The following CEP63 variants were observed in gnomAD, a reference collection of about 807,000 sequenced individuals.
CEP63 encodes centrosomal protein of 63 kDa.
Under a neutral mutation model 89.1 loss-of-function variants are expected in CEP63, and 84 were observed. The ratio of observed to expected loss-of-function variants is 0.94; its 90% confidence interval spans 0.79 to 1.13. The LOEUF (loss-of-function observed/expected upper bound fraction) is 1.13, where lower values mean the gene tolerates loss of function less well. CEP63 is among the 50% of genes most tolerant of loss of function. The probability of loss-of-function intolerance (pLI) is 0.00; values close to 1 mark genes in which losing one functional copy is unlikely to be tolerated. For synonymous variants in CEP63, 267 were observed against 272.5 expected, an observed-to-expected ratio of 0.98 and a Z score of 0.20; for missense variants, 838 against 813.3, an observed-to-expected ratio of 1.03 and a Z score of -0.37.
At chr3:134,505,039 T>C (rs927142962) in intron 2 of CEP63, among the ~76,000 whole-genome samples, 3 of 152,218 alleles carry the variant, frequency 2.0e-5, no homozygotes, top group African/African-American at 7.2e-5. Flanking sequence ...ATTTTTATTA[T>C]CTGTGTTTTC....
chr3:134,497,188 G>A (rs1395124842), intron 2 of CEP63, among the ~76,000 whole-genome samples: 2 of 152,138 alleles, frequency 1.3e-5, no homozygotes, highest in African/African-American at 4.8e-5. Context: ...TGAATGAATA[G>A]TTTGCAAATA....
At chr3:134,627,773 C>T in the CEP63 span, 1 of 1,613,908 alleles carries the variant, frequency 6.2e-7, no homozygotes, top group East Asian at 2.2e-5. Flanking sequence ...ATCTTTCCCT[C>T]CAGGTTGCCG....
intron 3 of CEP63, among the ~76,000 whole-genome samples, chr3:134,523,276 T>G (rs1015948194): frequency 2.0e-5 from 3 of 152,146 alleles, no homozygotes; most frequent in Admixed American, 2.0e-4. Flanking sequence ...AACTTTTAAG[T>G]TCTTTATAGA....
chr3:134,722,198 G>T, the CEP63 span, among the ~76,000 whole-genome samples: 1 of 151,910 alleles, frequency 6.6e-6, no homozygotes, highest in African/African-American at 2.4e-5. Flanking sequence ...AGTCAGTCTT[G>T]GAGATGTGCA....
chr3:134,741,467 A>G, the CEP63 span, among the ~76,000 whole-genome samples: 1 of 152,034 alleles, frequency 6.6e-6, no homozygotes, highest in Non-Finnish European at 1.5e-5. Context: ...ACCTGTGCAC[A>G]GCTCCCTGCT....
the CEP63 span, among the ~76,000 whole-genome samples, chr3:134,728,085 A>G: frequency 3.3e-5 from 5 of 152,236 alleles, no homozygotes; most frequent in East Asian, 9.6e-4. Flanking sequence ...AAAGAAAAAA[A>G]CTGTGTCTAA....
chr3:134,594,823 T>C, the CEP63 span, among the ~76,000 whole-genome samples: 2 of 152,248 alleles, frequency 1.3e-5, no homozygotes, highest in Non-Finnish European at 2.9e-5. Context: ...AGGCACTGTT[T>C]AATCATGGAG....
Position 134,491,948 on chromosome 3 carries a change from A to C in CEP63, c.-25-3348A>C, listed in dbSNP as rs192566715. ...AATTTGGTCTTGGGCATATACTATG[A>C]TATTTTTCCTGATCTGTAAAATGAT... On this transcript the variant is annotated intron_variant, in intron 1 of 14. Transcript: ENST00000675561. 3.9e-5 allele frequency among the ~76,000 whole-genome samples: 6 copies of C among 152,122 alleles called. No homozygotes were observed. The East Asian group carries it at 7.7e-4, about 20-fold the overall frequency.
At chr3:134,547,621 T>TTTTTTTTTTTTTTTTTTTTTTTTTTG (rs1437681065) in intron 9 of CEP63, 149 bp downstream of exon 9, 1 of 500,310 alleles carries the variant, frequency 2.0e-6, no homozygotes, top group South Asian at 2.2e-5. Flanking sequence ...TTTCTTTTTT[T>TTTTTTTTTTTTTTTTTTTTTTTTTTG]TTTTTTTTGA....
the CEP63 span, among the ~76,000 whole-genome samples, chr3:134,740,170 G>A: frequency 6.6e-6 from 1 of 152,112 alleles, no homozygotes; most frequent in Non-Finnish European, 1.5e-5. Context: ...ACAGTCCAGT[G>A]ACCCCTTGCA....
In CEP63 at chr3:134,552,239, T is replaced by G. The variant is rs1438596639; in HGVS notation, c.1467+227T>G. The G allele has an allele frequency of 1.5e-4, 51 of 335,198 alleles. No individual in the cohort carries two copies. In the South Asian group the frequency reaches 1.5e-3, roughly 10 times the overall value. 20.8% of individuals were successfully genotyped at this position (335,198 alleles called of 1,614,324 possible). On this transcript the variant is annotated intron_variant, in intron 12 of 14. Coordinates refer to ENST00000675561, the MANE Select transcript of CEP63 (RefSeq NM_001353108.3). ...TTTTTTTGAGACGGGGTTTCACTCT[T>G]GTTACCCAGGCTGGAGTGCAATGGC...
chr3:134,487,930 A>G (rs966797103), intron 1 of CEP63: 6 of 152,154 alleles, frequency 3.9e-5, no homozygotes, highest in African/African-American at 7.2e-5. Context: ...ATTAGCCCCT[A>G]TTTTTCCTTA....
chr3:134,685,406 C>A, the CEP63 span, among the ~76,000 whole-genome samples: 1 of 152,000 alleles, frequency 6.6e-6, no homozygotes, highest in Non-Finnish European at 1.5e-5. Flanking sequence ...CCCATCTCAC[C>A]CCTTGTATGG....
chr3:134,611,786 A>T, the CEP63 span, among the ~76,000 whole-genome samples: 1 of 152,230 alleles, frequency 6.6e-6, no homozygotes, highest in Non-Finnish European at 1.5e-5. Flanking sequence ...CCAGGGCTGC[A>T]GCCTCAGTTG....
the CEP63 span, among the ~76,000 whole-genome samples, chr3:134,618,985 G>A: frequency 2.0e-5 from 3 of 152,208 alleles, no homozygotes; most frequent in African/African-American, 7.2e-5. Flanking sequence ...TTATGCTGGT[G>A]TTAAAAAGGG....
the CEP63 span, among the ~76,000 whole-genome samples, chr3:134,773,914 T>A: frequency 6.6e-6 from 1 of 152,170 alleles, no homozygotes; most frequent in South Asian, 2.1e-4. Flanking sequence ...GGAGGGTCTG[T>A]CTCTCTCAGT....
intron 11 of CEP63, among the ~76,000 whole-genome samples, chr3:134,573,224 T>C (rs945527311): frequency 1.3e-5 from 2 of 152,220 alleles, no homozygotes; most frequent in Non-Finnish European, 2.9e-5. Context: ...GTAGAAAGTT[T>C]CTTTTGCTGT....
At chr3:134,506,369 G>T (rs1249958436) in intron 2 of CEP63, among the ~76,000 whole-genome samples, 1 of 152,188 alleles carries the variant, frequency 6.6e-6, no homozygotes, top group African/African-American at 2.4e-5. Context: ...TCACTTTCCT[G>T]CATGATAGTC....
At chr3:134,488,442 A>C (rs1034327408) in intron 1 of CEP63, among the ~76,000 whole-genome samples, 19 of 152,130 alleles carry the variant, frequency 1.2e-4, no homozygotes, top group African/African-American at 4.3e-4. Flanking sequence ...CCCCGTCTCT[A>C]CTGAAAATGC....
Sources: allele counts gnomAD v4.1 joint callset (sites outside exome capture counted in the v4.1 genomes callset), GRCh38; gene constraint gnomAD v4.1.1; transcripts MANE v1.5; gene names NCBI Gene and HGNC (gene_info 2026-07-23, HGNC 2026-07-21).